GPC6: variants seen among roughly 807,000 people sequenced by gnomAD.
The protein encoded by GPC6 is glypican-6.
Under a neutral mutation model 55.2 loss-of-function variants are expected in GPC6, and 14 were observed. The ratio of observed to expected loss-of-function variants is 0.25; its 90% CI spans 0.17 to 0.40. GPC6 has a LOEUF of 0.40. Ranked by LOEUF, GPC6 falls within the 10% of genes least tolerant of loss-of-function variation. The pLI, the probability that GPC6 is intolerant of heterozygous loss-of-function variation, is 1.00. For missense variants in GPC6, 641 were observed against 708.5 expected, an observed-to-expected ratio of 0.90 and a Z score of 1.08; for synonymous variants, 278 against 259.6, an observed-to-expected ratio of 1.07 and a Z score of -0.68.
At chr13:93,487,957 A>C (rs189724062) in intron 1 of GPC6, among the ~76,000 whole-genome samples, 133 of 152,254 alleles carry the variant, frequency 8.7e-4, no homozygotes, top group Middle Eastern at 3.4e-3. Context: ...CATATATATT[A>C]TTTATTTACA....
At chr13:93,570,561 A>G (rs1377091701) in intron 2 of GPC6, among the ~76,000 whole-genome samples, 1 of 152,218 alleles carries the variant, frequency 6.6e-6, no homozygotes, top group Non-Finnish European at 1.5e-5. Flanking sequence ...GAGAGCATAT[A>G]CTAGGCATCA....
chr13:93,656,993 G>A (rs1464214908), intron 2 of GPC6, among the ~76,000 whole-genome samples: 3 of 152,020 alleles, frequency 2.0e-5, no homozygotes, highest in Non-Finnish European at 4.4e-5. Context: ...ACAAGGATAG[G>A]AAGAATCAAT....
At chr13:93,694,715 A>G (rs973100489) in intron 2 of GPC6, among the ~76,000 whole-genome samples, 1 of 152,188 alleles carries the variant, frequency 6.6e-6, no homozygotes, top group Non-Finnish European at 1.5e-5. Flanking sequence ...AAAACAAGGC[A>G]GTATCAGCAC....
intron 2 of GPC6, among the ~76,000 whole-genome samples, chr13:93,696,539 T>A (rs1882458293): frequency 6.6e-6 from 1 of 151,818 alleles, no homozygotes; most frequent in Admixed American, 6.6e-5. Context: ...CCCCCTTTTT[T>A]TCCTTTTTTT....
chr13:93,965,265 G>A, intron 3 of GPC6, among the ~76,000 whole-genome samples: 1 of 151,746 alleles, frequency 6.6e-6, no homozygotes, highest in East Asian at 1.9e-4. Context: ...CAAAAAATTA[G>A]CCGGGCATGG....
chr13:93,241,808 A>G (rs1594047942), intron 1 of GPC6, among the ~76,000 whole-genome samples: 1 of 147,734 alleles, frequency 6.8e-6, no homozygotes. Context: ...TTATTTTTGA[A>G]TTGAGTTTTG....
intron 2 of GPC6, among the ~76,000 whole-genome samples, chr13:93,625,378 C>T (rs916678176): frequency 1.3e-5 from 2 of 152,152 alleles, no homozygotes; most frequent in Non-Finnish European, 2.9e-5. Context: ...TGGGCATGGC[C>T]ACCTTCTATG....
intron 4 of GPC6, among the ~76,000 whole-genome samples, chr13:94,172,161 CATT>C (rs1888591296): frequency 6.6e-6 from 1 of 151,782 alleles, no homozygotes; most frequent in Non-Finnish European, 1.5e-5. Flanking sequence ...GTTATGGAAT[CATT>C]ATAATCAAAT....
At chr13:93,572,347 G>A (rs3910920) in intron 2 of GPC6, among the ~76,000 whole-genome samples, 1 of 152,090 alleles carries the variant, frequency 6.6e-6, no homozygotes, top group Non-Finnish European at 1.5e-5. Flanking sequence ...TGTAGGGGAC[G>A]CTTGGGGATA....
At position 93,874,558 on chromosome 13, in the gene GPC6, C is replaced by T. The variant is rs533064076; in HGVS notation, c.711+44013C>T. Among the ~76,000 whole-genome samples, 4 of 150,134 alleles carry T rather than the reference C, an allele frequency of 2.7e-5. No homozygotes were observed. In the South Asian group the frequency reaches 8.5e-4, roughly 32 times the overall value. Reference sequence around the variant, plus strand: ...CACTGTATCCCAGGGCTTCTCATTGCAAATAGAAAGGGATCCACACTTCTT... The same window carrying T: ...CACTGTATCCCAGGGCTTCTCATTGTAAATAGAAAGGGATCCACACTTCTT... On this transcript the variant is annotated intron_variant, in intron 3 of 8. Coordinates refer to ENST00000377047, the MANE Select transcript of GPC6 (RefSeq NM_005708.5).
At chr13:93,980,521 A>G (rs1348882332) in intron 3 of GPC6, among the ~76,000 whole-genome samples, 1 of 152,124 alleles carries the variant, frequency 6.6e-6, no homozygotes, top group Non-Finnish European at 1.5e-5. Flanking sequence ...TTGAATGTGT[A>G]AGGGATGGCA....
rs545102969 is a variant in GPC6, at chr13:93,634,579, C to T, written c.319+89158C>T. 5.9e-5 allele frequency among the ~76,000 whole-genome samples: 9 copies of T among 152,032 alleles called. No homozygotes were observed. The East Asian group carries it at 9.7e-4, about 16-fold the overall frequency. On this transcript the variant is annotated intron_variant, in intron 2 of 8. Transcript: ENST00000377047. ...GTTCCAGACATATGTTTTGTGGTTCCGGGATGTTTGAGTGGCTGTGTTTGT... is the reference window on the plus strand; with the variant it reads ...GTTCCAGACATATGTTTTGTGGTTCTGGGATGTTTGAGTGGCTGTGTTTGT...
At chr13:93,310,578 A>G (rs1879033213) in intron 1 of GPC6, among the ~76,000 whole-genome samples, 1 of 152,218 alleles carries the variant, frequency 6.6e-6, no homozygotes, top group South Asian at 2.1e-4. Flanking sequence ...AAAGCCCTTC[A>G]AATATCCTTC....
chr13:93,666,764 G>A (rs1881153329), intron 2 of GPC6, among the ~76,000 whole-genome samples: 1 of 152,044 alleles, frequency 6.6e-6, no homozygotes, highest in South Asian at 2.1e-4. Flanking sequence ...GTGTTAAAAG[G>A]ATGTACGCCA....
intron 4 of GPC6, among the ~76,000 whole-genome samples, chr13:94,273,386 TTTATAGC>T (rs1892104939): frequency 6.6e-6 from 1 of 152,132 alleles, no homozygotes; most frequent in Non-Finnish European, 1.5e-5. Flanking sequence ...TGTGAATGCT[TTTATAGC>T]TTTGTGAAGG....
chr13:93,324,730 G>A (rs549671523), intron 1 of GPC6, among the ~76,000 whole-genome samples: 93 of 151,888 alleles, frequency 6.1e-4, no homozygotes, highest in African/African-American at 2.2e-3. Flanking sequence ...AAGTATTGGA[G>A]GATGTGGCTG....
At chr13:93,786,595 A>C (rs1251311821) in intron 2 of GPC6, among the ~76,000 whole-genome samples, 2 of 151,964 alleles carry the variant, frequency 1.3e-5, no homozygotes, top group Admixed American at 6.6e-5. Flanking sequence ...AAAAAAAAAA[A>C]CCATTTTTGT....
intron 3 of GPC6, among the ~76,000 whole-genome samples, chr13:93,906,480 A>C (rs1876676433): frequency 6.6e-6 from 1 of 152,176 alleles, no homozygotes; most frequent in African/African-American, 2.4e-5. Context: ...CCAATGGTCC[A>C]AAATCCAATG....
intron 3 of GPC6, among the ~76,000 whole-genome samples, chr13:93,832,468 A>G (rs2138984800): frequency 6.6e-6 from 1 of 152,256 alleles, no homozygotes; most frequent in South Asian, 2.1e-4. Context: ...TGAATTAAGA[A>G]ATTCAAAGTA....
Sources: allele counts gnomAD v4.1 joint callset (sites outside exome capture counted in the v4.1 genomes callset), GRCh38; gene constraint gnomAD v4.1.1; transcripts MANE v1.5; gene names NCBI Gene and HGNC (gene_info 2026-07-23, HGNC 2026-07-21).